Variants in DNAI4 observed in about 807,000 individuals in gnomAD.
The protein encoded by DNAI4 is dynein axonemal intermediate chain 4, also known as WD repeat domain 78.
Under a neutral mutation model 105.8 loss-of-function variants are expected in DNAI4, and 85 were observed. The observed-to-expected ratio is 0.80, with a 90% CI of 0.67 to 0.96. The LOEUF is 0.96. Ranked by LOEUF, DNAI4 falls within the 40% of genes least tolerant of loss-of-function variation. The pLI is 0.00. For synonymous variants in DNAI4, 352 were observed against 331.5 expected (o/e 1.06, Z -0.67); for missense variants, 1,014 against 1,005.6 (o/e 1.01, Z -0.11).
intron 16 of DNAI4, among the ~76,000 whole-genome samples, chr1:66,816,665 T>C (rs892711187): frequency 1.3e-5 from 2 of 151,514 alleles, no homozygotes; most frequent in East Asian, 3.9e-4. Context: ...CCAAAAATTA[T>C]ATTTATTTAC....
At chr1:66,834,261 T>G (rs1645933662) in intron 11 of DNAI4, 113 bp from the exon 12 acceptor site, 1 of 751,484 alleles carries the variant, frequency 1.3e-6, no homozygotes. Context: ...ATTTATATAA[T>G]CCTTTTATTG....
intron 4 of DNAI4, among the ~76,000 whole-genome samples, chr1:66,888,231 A>G (rs1177735464): frequency 1.3e-5 from 2 of 152,140 alleles, no homozygotes; most frequent in Non-Finnish European, 2.9e-5. Flanking sequence ...TTGCAATTCA[A>G]TTGACCTGAA....
chr1:66,869,389 A>G (rs1646795583), intron 6 of DNAI4, among the ~76,000 whole-genome samples: 1 of 152,070 alleles, frequency 6.6e-6, no homozygotes, highest in Non-Finnish European at 1.5e-5. Context: ...ATAAAGTTAC[A>G]TACAGTAATC....
chr1:66,906,186 G>A (rs1649235784), intron 1 of DNAI4, among the ~76,000 whole-genome samples: 1 of 152,026 alleles, frequency 6.6e-6, no homozygotes. Flanking sequence ...CTCCCAAAGT[G>A]CTAGCATTAC....
intron 14 of DNAI4, 100 bp downstream of exon 14, chr1:66,827,712 G>C: frequency 1.7e-6 from 1 of 575,366 alleles, no homozygotes; most frequent in Non-Finnish European, 2.8e-6. Context: ...TTTTAACTCT[G>C]AAGTTGTAAA....
chr1:66,867,992 G>C (rs1365057871), intron 6 of DNAI4, among the ~76,000 whole-genome samples: 1 of 152,084 alleles, frequency 6.6e-6, no homozygotes, highest in Non-Finnish European at 1.5e-5. Context: ...TTCCTGTACA[G>C]ATAATTTCAT....
chr1:66,899,863 G>T (rs1158373089), intron 2 of DNAI4, among the ~76,000 whole-genome samples: 1 of 152,076 alleles, frequency 6.6e-6, no homozygotes, highest in Non-Finnish European at 1.5e-5. Flanking sequence ...AAAATCAGTT[G>T]ACTTTAGGTA....
intron 4 of DNAI4, among the ~76,000 whole-genome samples, chr1:66,876,430 A>G (rs1315759864): frequency 6.6e-6 from 1 of 152,156 alleles, no homozygotes; most frequent in African/African-American, 2.4e-5. Context: ...AAAATAAATG[A>G]TCTTATATTA....
At chr1:66,857,418 T>C (rs1299072955) in intron 7 of DNAI4, among the ~76,000 whole-genome samples, 1 of 151,650 alleles carries the variant, frequency 6.6e-6, no homozygotes, top group Non-Finnish European at 1.5e-5. Flanking sequence ...CACACCAACT[T>C]GGCACATGTA....
At chr1:66,909,285 T>TCTACACACACACACAC (rs143570368) in intron 1 of DNAI4, among the ~76,000 whole-genome samples, 1 of 134,466 alleles carries the variant, frequency 7.4e-6, no homozygotes, top group Admixed American at 7.5e-5. Context: ...CACCTCTCTC[T>TCTACACACACACACAC]ACACACACAC....
chr1:66,822,719 G>T (rs951989185), intron 15 of DNAI4, among the ~76,000 whole-genome samples: 4 of 151,898 alleles, frequency 2.6e-5, no homozygotes, highest in African/African-American at 9.7e-5. Context: ...TTTCAACCAG[G>T]TAAATTAAAG....
chr1:66,825,705 A>T (rs1645739141), intron 15 of DNAI4, among the ~76,000 whole-genome samples: 1 of 152,222 alleles, frequency 6.6e-6, no homozygotes, highest in South Asian at 2.1e-4. Context: ...GGATTATTTA[A>T]GAAGCCACTT....
chr1:66,871,276 G>T, intron 6 of DNAI4, 94 bp downstream of exon 6: 3 of 1,174,568 alleles, frequency 2.6e-6, no homozygotes, highest in African/African-American at 1.5e-5. Context: ...TTTTATTTTT[G>T]CTTTATACAT....
intron 1 of DNAI4, among the ~76,000 whole-genome samples, chr1:66,924,414 C>T (rs1650952436): frequency 6.6e-6 from 1 of 151,662 alleles, no homozygotes; most frequent in Non-Finnish European, 1.5e-5. Flanking sequence ...TCAGGTGATC[C>T]ACCCCACTCG....
At chr1:66,879,611 A>G (rs572310181) in intron 4 of DNAI4, among the ~76,000 whole-genome samples, 2 of 152,306 alleles carry the variant, frequency 1.3e-5, no homozygotes, top group African/African-American at 2.4e-5. Context: ...TTGTCAAACT[A>G]TATTCCAAAC....
rs1443409163 is a variant in DNAI4, at chr1:66,862,249, C to T, written c.994G>A (p.Val332Ile). Reference protein sequence around the residue: ...LYDSYNAMELVSLSVKQSVVE... With the variant: ...LYDSYNAMELISLSVKQSVVE... ...ACAGATTGTTTTACTGATAAAGATA[C>T]AAGTTCCATAGCATTGTAAGAATCA... Residue 332 changes from valine (V) to isoleucine (I), a missense_variant, in exon 7 of 17, where the codon GTA (valine) becomes ATA (isoleucine). Coordinates refer to ENST00000371026, the MANE Select transcript of DNAI4 (RefSeq NM_024763.5). The T allele has an allele frequency of 6.2e-7, 1 of 1,610,830 alleles. No individual in the cohort carries two copies. The highest frequency in any genetic ancestry group is 8.5e-7 in the Non-Finnish European group (1 of 1,178,932).
intron 1 of DNAI4, among the ~76,000 whole-genome samples, chr1:66,908,183 T>C (rs935702489): frequency 3.3e-5 from 5 of 152,224 alleles, no homozygotes; most frequent in Admixed American, 2.6e-4. Flanking sequence ...GTAAATTTGA[T>C]ACTGTAACAT....
At chr1:66,856,496 A>T (rs539875320) in intron 7 of DNAI4, among the ~76,000 whole-genome samples, 1 of 152,016 alleles carries the variant, frequency 6.6e-6, no homozygotes, top group Non-Finnish European at 1.5e-5. Context: ...AAAAATAAAA[A>T]AAAATTCTTA....
At chr1:66,814,668 A>T (rs2173397) in intron 16 of DNAI4, among the ~76,000 whole-genome samples, 1 of 152,044 alleles carries the variant, frequency 6.6e-6, no homozygotes, top group Non-Finnish European at 1.5e-5. Flanking sequence ...GCGCCTGGCC[A>T]AAAGACTCTT....
Sources: gnomAD v4.1 joint callset for allele counts (sites outside exome capture counted in the v4.1 genomes callset) on GRCh38, gnomAD v4.1.1 for gene constraint, MANE v1.5 for transcripts, NCBI Gene and HGNC (gene_info 2026-07-23, HGNC 2026-07-21) for gene names.